DNAH12: variants seen among roughly 807,000 people sequenced by gnomAD.
DNAH12 encodes the protein axonemal beta dynein heavy chain 12.
In DNAH12, 285 loss-of-function variants were observed where a neutral mutation model predicts 371.5. The observed-to-expected ratio is 0.77, with a 90% CI of 0.70 to 0.85. The LOEUF is 0.85. Ranked by LOEUF, DNAH12 falls within the 40% of genes least tolerant of loss-of-function variation. The probability of loss-of-function intolerance (pLI) is 0.00; values close to 1 mark genes in which losing one functional copy is unlikely to be tolerated. For missense variants in DNAH12, 3,611 were observed against 3,689.4 expected (o/e 0.98, Z 0.55); for synonymous variants, 1,200 against 1,213.0 (o/e 0.99, Z 0.22).
chr3:57,512,376 T>C (rs1038711710), intron 4 of DNAH12: 1 of 152,250 alleles, frequency 6.6e-6, no homozygotes, highest in South Asian at 2.1e-4. Flanking sequence ...ATTTAATAAG[T>C]ATAGAGTTTC....
Position 57,523,887 on chromosome 3 carries a change from G to A in DNAH12, c.171-3C>T. On this transcript the variant is annotated splice_region_variant and splice_polypyrimidine_tract_variant and intron_variant, in intron 2 of 73. Coordinates refer to ENST00000495027, the MANE Select transcript of DNAH12 (RefSeq NM_001366028.2). Reference sequence around the variant, plus strand: ...AATTTCTTTTGGCTCCATCAATTCTGAAATTTATAGTTAGAAATATGACTC... The same window carrying A: ...AATTTCTTTTGGCTCCATCAATTCTAAAATTTATAGTTAGAAATATGACTC... 1.3e-6 allele frequency: 2 copies of A among 1,583,914 alleles called. No individual in the cohort carries two copies. Among genetic ancestry groups the A allele is most frequent in the Non-Finnish European group, 1.7e-6 (2 of 1,162,990 alleles).
At chr3:57,434,661 G>A (rs1464421861) in intron 30 of DNAH12, among the ~76,000 whole-genome samples, 1 of 152,060 alleles carries the variant, frequency 6.6e-6, no homozygotes, top group East Asian at 1.9e-4. Context: ...AAATTAACTG[G>A]TATCAGAAGC....
chr3:57,427,464 A>G (rs1459420172), intron 34 of DNAH12, among the ~76,000 whole-genome samples: 1 of 152,094 alleles, frequency 6.6e-6, no homozygotes, highest in African/African-American at 2.4e-5. Flanking sequence ...AGGTGGGTGG[A>G]TCAACTGAGG....
chr3:57,462,450 C>T (rs1043109614), intron 18 of DNAH12, among the ~76,000 whole-genome samples: 2 of 151,998 alleles, frequency 1.3e-5, no homozygotes, highest in African/African-American at 4.8e-5. Context: ...TGGGGTCTCA[C>T]CATGTTGGCC....
intron 45 of DNAH12, among the ~76,000 whole-genome samples, chr3:57,390,657 T>C (rs1289886609): frequency 9.2e-5 from 14 of 151,524 alleles, no homozygotes; most frequent in African/African-American, 3.4e-4. Context: ...TACCATGAGC[T>C]ACTGTTCTCA....
intron 59 of DNAH12, among the ~76,000 whole-genome samples, chr3:57,354,702 T>A (rs2062758366): frequency 2.6e-5 from 4 of 152,118 alleles, no homozygotes. Flanking sequence ...AACCCCAAAC[T>A]GGAAGTAATT....
At chr3:57,501,254 G>C in intron 11 of DNAH12, 67 bp downstream of exon 11, 1 of 1,163,456 alleles carries the variant, frequency 8.6e-7, no homozygotes, top group Non-Finnish European at 1.2e-6. Context: ...TTACTTTTTA[G>C]AATGGAAAGA....
At chr3:57,483,351 A>G in intron 13 of DNAH12, 25 bp downstream of exon 13, 1 of 1,539,500 alleles carries the variant, frequency 6.5e-7, no homozygotes, top group Non-Finnish European at 8.7e-7. Flanking sequence ...AAACAAACCA[A>G]AATATGCAAA....
chr3:57,305,365 C>T (rs1279288196), intron 69 of DNAH12, among the ~76,000 whole-genome samples: 4 of 151,912 alleles, frequency 2.6e-5, no homozygotes, highest in East Asian at 1.9e-4. Flanking sequence ...CTCGCCAGGC[C>T]GAGCTAGGTC....
Position 57,354,551 on chromosome 3 carries a change from A to G in DNAH12, c.9534-2326T>C, listed in dbSNP as rs1231822100. Among the ~76,000 whole-genome samples the G allele has an allele frequency of 3.9e-3, 549 of 139,434 alleles. 6 individuals are homozygous for G. Among genetic ancestry groups the G allele is most frequent in the African/African-American group, 0.011 (426 of 38,232 alleles). 91.5% of individuals were successfully genotyped at this position (139,434 alleles called of 152,430 possible). ...TGTCTTGTTTGCTAAAAAAAAAAAG[A>G]AAAAAAAAAAGAAAAAAAATCTAAA... On this transcript the variant is annotated intron_variant, in intron 59 of 73. Coordinates refer to ENST00000495027, the MANE Select transcript of DNAH12 (RefSeq NM_001366028.2).
At chr3:57,551,011 T>C in the DNAH12 span, among the ~76,000 whole-genome samples, 3 of 150,510 alleles carry the variant, frequency 2.0e-5, no homozygotes, top group Non-Finnish European at 3.0e-5. Context: ...CCCGAGTAGC[T>C]GGGACTACAT....
chr3:57,309,827 T>G lies in DNAH12; in HGVS notation c.10924A>C (p.Ile3642Leu). 1 of 1,548,162 alleles carries G rather than the reference T, an allele frequency of 6.5e-7. No individual in the cohort carries two copies. Among genetic ancestry groups the G allele is most frequent in the Non-Finnish European group, 8.7e-7 (1 of 1,146,118 alleles). The part of the protein sequence containing the change: ...KKLPFTQHPE[I>L]FGLHENVDIS... ...TCAACGTTTTCATGTAATCCAAATATCTCAGGGTGTTGAGTAAATGGAAGT... is the reference window on the plus strand; with the variant it reads ...TCAACGTTTTCATGTAATCCAAATAGCTCAGGGTGTTGAGTAAATGGAAGT... The change falls in exon 68 of 74, where the codon ATA becomes CTA. Residue 3642 changes from isoleucine (I) to leucine (L), a missense_variant. Transcript: ENST00000495027.
chr3:57,516,203 A>G (rs1468285056), intron 4 of DNAH12, among the ~76,000 whole-genome samples: 1 of 151,868 alleles, frequency 6.6e-6, no homozygotes, highest in African/African-American at 2.4e-5. Context: ...AGCTGGGATT[A>G]CAGGCGTGGG....
intron 5 of DNAH12, among the ~76,000 whole-genome samples, chr3:57,510,066 CATG>C (rs1298399465): frequency 2.0e-5 from 3 of 151,590 alleles, no homozygotes; most frequent in Non-Finnish European, 2.9e-5. Flanking sequence ...ACGTATTGTA[CATG>C]ATAATTATAT....
At chr3:57,517,912 A>T (rs1182804700) in intron 4 of DNAH12, among the ~76,000 whole-genome samples, 1 of 152,044 alleles carries the variant, frequency 6.6e-6, no homozygotes, top group Non-Finnish European at 1.5e-5. Flanking sequence ...AAATTATCCA[A>T]GCGTGGTGCC....
intron 60 of DNAH12, among the ~76,000 whole-genome samples, chr3:57,335,169 C>T (rs187206868): frequency 2.6e-5 from 4 of 152,258 alleles, no homozygotes; most frequent in African/African-American, 9.6e-5. Flanking sequence ...AGGTGATCCC[C>T]GTTCCTCAGC....
intron 13 of DNAH12, among the ~76,000 whole-genome samples, chr3:57,474,661 T>C (rs1042897144): frequency 6.6e-6 from 1 of 151,574 alleles, no homozygotes; most frequent in East Asian, 1.9e-4. Context: ...TAAATTAGTA[T>C]ATAAAAATAA....
chr3:57,490,700 T>C (rs2067086599), intron 11 of DNAH12, among the ~76,000 whole-genome samples: 1 of 151,958 alleles, frequency 6.6e-6, no homozygotes, highest in African/African-American at 2.4e-5. Flanking sequence ...TAGGATGTGG[T>C]GAATTGGGTT....
chr3:57,445,134 T>G (rs1318612293), intron 28 of DNAH12, 40 bp downstream of exon 28: 1 of 1,481,110 alleles, frequency 6.8e-7, no homozygotes, highest in African/African-American at 1.4e-5. Context: ...AAAATTATCT[T>G]TCTACTGAAA....
Sources: gnomAD v4.1 joint callset for allele counts (sites outside exome capture counted in the v4.1 genomes callset) on GRCh38, gnomAD v4.1.1 for gene constraint, MANE v1.5 for transcripts, NCBI Gene and HGNC (gene_info 2026-07-23, HGNC 2026-07-21) for gene names.